The following OTULINL variants were observed in gnomAD, a reference collection of about 807,000 sequenced individuals.
The protein encoded by OTULINL is inactive ubiquitin thioesterase OTULINL.
OTULINL carries 42 observed loss-of-function variants against 43.9 expected under a neutral mutation model. That is an observed-to-expected ratio of 0.96 (90% CI 0.75 to 1.24). OTULINL has a LOEUF of 1.24. Among genes scored for constraint, OTULINL ranks in the 50% most tolerant of loss-of-function variants. The probability of loss-of-function intolerance (pLI) is 0.00; values close to 1 mark genes in which losing one functional copy is unlikely to be tolerated. For synonymous variants in OTULINL, 172 were observed against 153.6 expected (o/e 1.12, Z -0.88); for missense variants, 411 against 426.4 (o/e 0.96, Z 0.32).
intron 5 of OTULINL, among the ~76,000 whole-genome samples, chr5:14,607,027 G>A (rs542694561): frequency 3.3e-5 from 5 of 152,118 alleles, no homozygotes; most frequent in South Asian, 2.1e-4. Context: ...TCAGGAGTTC[G>A]AGACCAGCCT....
intron 5 of OTULINL, among the ~76,000 whole-genome samples, chr5:14,605,556 T>G (rs1378803191): frequency 6.6e-6 from 1 of 152,232 alleles, no homozygotes; most frequent in Non-Finnish European, 1.5e-5. Flanking sequence ...TGAGATTTTC[T>G]TTCCTATAGC....
intron 1 of OTULINL, among the ~76,000 whole-genome samples, chr5:14,591,894 G>A (rs1759209937): frequency 6.6e-6 from 1 of 152,080 alleles, no homozygotes; most frequent in East Asian, 1.9e-4. Flanking sequence ...TTTTTAAATG[G>A]TTGGGAAAAA....
chr5:14,604,574 G>C (rs1380447804), intron 5 of OTULINL, among the ~76,000 whole-genome samples: 2 of 152,194 alleles, frequency 1.3e-5, no homozygotes, highest in African/African-American at 4.8e-5. Flanking sequence ...CCCTGGAAAT[G>C]TGGGAAATGT....
At chr5:14,590,454 A>G (rs532168509) in intron 1 of OTULINL, among the ~76,000 whole-genome samples, 3 of 152,328 alleles carry the variant, frequency 2.0e-5, no homozygotes, top group African/African-American at 7.2e-5. Context: ...GACTTTGAGT[A>G]GCAATGTTCT....
In OTULINL at chr5:14,607,537, G is replaced by A. The variant is rs1759504302; in HGVS notation, c.627+79G>A. The A allele has an allele frequency of 2.6e-6, 4 of 1,547,060 alleles. No homozygotes were observed. The South Asian group carries it at 4.8e-5, about 18-fold the overall frequency. On this transcript the variant is annotated intron_variant, in intron 6 of 7. Transcript: ENST00000274217. ...ATAGAGCCAGTTTTCTCTGATGTCAGGGACATTGCTTCATGTTAGGAAAGT... is the reference window on the plus strand; with the variant it reads ...ATAGAGCCAGTTTTCTCTGATGTCAAGGACATTGCTTCATGTTAGGAAAGT...
chr5:14,593,071 G>A (rs1050749641), intron 1 of OTULINL, among the ~76,000 whole-genome samples: 4 of 152,160 alleles, frequency 2.6e-5, no homozygotes, highest in Non-Finnish European at 5.9e-5. Flanking sequence ...GTTAGTCCCT[G>A]CCAGGAGAAT....
rs61734897 is a variant in OTULINL, at chr5:14,610,242, G to A, written c.999G>A (p.Glu333=). 8 of 1,613,976 alleles carry A rather than the reference G, an allele frequency of 5.0e-6. No individual in the cohort carries two copies. The highest frequency in any genetic ancestry group is 4.0e-5 in the African/African-American group (3 of 75,024). ...ACTTTGAAGTCTGCTACCCAGAGGA[G>A]CCTCTCAGGGACTGGCCGGAGATCT... The part of the protein sequence containing the change: ...SRDFEVCYPE[E]PLRDWPEISL... The change falls in exon 8 of 8, where the codon GAG becomes GAA. Residue 333 remains glutamate (E), a synonymous_variant. Coordinates refer to ENST00000274217, the MANE Select transcript of OTULINL (RefSeq NM_019018.3).
chr5:14,590,399 A>G (rs531836593), intron 1 of OTULINL, among the ~76,000 whole-genome samples: 4 of 152,352 alleles, frequency 2.6e-5, no homozygotes, highest in South Asian at 2.1e-4. Flanking sequence ...TTGAGAATCT[A>G]TAGTTCTAAG....
chr5:14,597,646 T>C (rs1759310246), intron 1 of OTULINL, among the ~76,000 whole-genome samples: 1 of 152,214 alleles, frequency 6.6e-6, no homozygotes, highest in Non-Finnish European at 1.5e-5. Context: ...GAAGGCTCAC[T>C]CCTAATGTCA....
chr5:14,589,376 G>GGCAAA, intron 1 of OTULINL, among the ~76,000 whole-genome samples: 1 of 152,292 alleles, frequency 6.6e-6, no homozygotes, highest in Non-Finnish European at 1.5e-5. Context: ...GAAGAGTACA[G>GGCAAA]GCAAAGCAAG....
In OTULINL at chr5:14,589,347, A is replaced by C. The variant is rs546069298; in HGVS notation, c.64+7389A>C. ...ATGAACTAGGGCATGGTTAGAAGGA[A>C]GAATGTTTCAGACAGAGGGAAGAGT... On this transcript the variant is annotated intron_variant, in intron 1 of 7. Transcript: ENST00000274217. Among the ~76,000 whole-genome samples, 3 of 152,278 alleles carry C rather than the reference A, an allele frequency of 2.0e-5. No homozygotes were observed. In the South Asian group the frequency reaches 6.2e-4, roughly 32 times the overall value.
At position 14,613,859 on chromosome 5, in the gene OTULINL, A is replaced by T. The variant is rs548400103; in HGVS notation, c.*3545A>T. Among the ~76,000 whole-genome samples, 1 of 152,224 alleles carries T rather than the reference A, an allele frequency of 6.6e-6. No individual in the cohort carries two copies. The highest frequency in any genetic ancestry group is 2.4e-5 in the African/African-American group (1 of 41,542). ...GGGCATTAACGTTAATTTTCCCAGG[A>T]CTTTTCTGCAAATGGGTATTGGATG... is the stretch of plus-strand genomic sequence containing the variant. On this transcript the variant is annotated 3_prime_UTR_variant, in exon 8 of 8. Transcript: ENST00000274217.
intron 1 of OTULINL, among the ~76,000 whole-genome samples, chr5:14,594,421 C>T (rs1464037373): frequency 6.6e-6 from 1 of 152,234 alleles, no homozygotes; most frequent in African/African-American, 2.4e-5. Context: ...CCCAGCTTTT[C>T]CCTGCAGTCA....
intron 1 of OTULINL, among the ~76,000 whole-genome samples, chr5:14,592,822 G>A (rs886194111): frequency 5.9e-5 from 9 of 152,144 alleles, no homozygotes; most frequent in Admixed American, 2.6e-4. Context: ...GCCTTCCCTT[G>A]CTCTTCAGTT....
At chr5:14,602,987 C>A (rs1164370494) in intron 5 of OTULINL, among the ~76,000 whole-genome samples, 1 of 152,210 alleles carries the variant, frequency 6.6e-6, no homozygotes, top group Non-Finnish European at 1.5e-5. Flanking sequence ...GGTAGTCCAT[C>A]CTCCTCCTAC....
chr5:14,590,059 G>C (rs1444411153), intron 1 of OTULINL, among the ~76,000 whole-genome samples: 1 of 152,088 alleles, frequency 6.6e-6, no homozygotes, highest in Non-Finnish European at 1.5e-5. Flanking sequence ...AAGGGAAATG[G>C]GCACAAAACA....
In OTULINL at chr5:14,587,523, T is replaced by G. The variant is rs1759127223; in HGVS notation, c.64+5565T>G. Among the ~76,000 whole-genome samples the G allele has an allele frequency of 3.9e-5, 6 of 152,348 alleles. 1 individual carries two copies. In the South Asian group the frequency reaches 1.2e-3, roughly 32 times the overall value. ...GGTTTGTAGCTAAAGTTAGGTTGGCTGCTCAGCTTGAAATGGAAACATAGC... is the reference window on the plus strand; with the variant it reads ...GGTTTGTAGCTAAAGTTAGGTTGGCGGCTCAGCTTGAAATGGAAACATAGC... On this transcript the variant is annotated intron_variant, in intron 1 of 7. Coordinates refer to ENST00000274217, the MANE Select transcript of OTULINL (RefSeq NM_019018.3).
rs1424920902 is a variant in OTULINL, at chr5:14,613,144, ACTC to A, written c.*2833_*2835del. On this transcript the variant is annotated 3_prime_UTR_variant, in exon 8 of 8. Coordinates refer to ENST00000274217, the MANE Select transcript of OTULINL (RefSeq NM_019018.3). ...TCACCATTTAGCCAGGCTGATCTGA[ACTC>A]CTGACCTTGGGCGATCCGCCTACCT... Among the ~76,000 whole-genome samples the A allele has an allele frequency of 6.6e-6, 1 of 151,852 alleles. No homozygotes were observed. Among genetic ancestry groups the A allele is most frequent in the Non-Finnish European group, 1.5e-5 (1 of 67,980 alleles).
intron 5 of OTULINL, among the ~76,000 whole-genome samples, chr5:14,603,378 G>A (rs1759421817): frequency 1.3e-5 from 2 of 152,230 alleles, no homozygotes; most frequent in Admixed American, 1.3e-4. Flanking sequence ...CTAGGTGCAT[G>A]TTTAACTTCA....
Sources: allele counts gnomAD v4.1 joint callset (sites outside exome capture counted in the v4.1 genomes callset), GRCh38; gene constraint gnomAD v4.1.1; transcripts MANE v1.5; gene names NCBI Gene and HGNC (gene_info 2026-07-23, HGNC 2026-07-21).